The following ARHGAP40 variants were observed in gnomAD, a reference collection of about 807,000 sequenced individuals.
ARHGAP40 encodes the protein rho GTPase-activating protein 40.
In ARHGAP40, 43 loss-of-function variants were observed where a neutral mutation model predicts 73.5. That is an observed-to-expected ratio of 0.58 (90% CI 0.46 to 0.75). ARHGAP40 has a LOEUF of 0.75. Ranked by LOEUF, ARHGAP40 falls within the 30% of genes least tolerant of loss-of-function variation. ARHGAP40 has a pLI of 0.00. For synonymous variants in ARHGAP40, 300 were observed against 352.8 expected, an observed-to-expected ratio of 0.85 and a Z score of 1.68; for missense variants, 734 against 861.8, an observed-to-expected ratio of 0.85 and a Z score of 1.86.
At chr20:38,645,832 C>A (rs73905661) in intron 11 of ARHGAP40, among the ~76,000 whole-genome samples, 19,461 of 152,126 alleles carry the variant, frequency 0.13, 2,973 homozygotes, top group African/African-American at 0.37. Flanking sequence ...GGGCTCCACT[C>A]TCAGGGTCCC....
chr20:38,610,751 C>G (rs1209247947), intron 1 of ARHGAP40, among the ~76,000 whole-genome samples: 3 of 152,164 alleles, frequency 2.0e-5, no homozygotes, highest in Middle Eastern at 3.2e-3. Flanking sequence ...GTCTGTTAAC[C>G]AATATACCAG....
exon 10 of ARHGAP40, chr20:38,641,783 C>T: frequency 7.7e-7 from 1 of 1,295,496 alleles, no homozygotes; most frequent in Non-Finnish European, 1.0e-6. Context: ...CTCATCCTCC[C>T]AGAACCCAAC....
At chr20:38,626,519 C>T (rs2088899408) in intron 2 of ARHGAP40, among the ~76,000 whole-genome samples, 1 of 152,164 alleles carries the variant, frequency 6.6e-6, no homozygotes, top group South Asian at 2.1e-4. Context: ...TGAGAGTTTC[C>T]TTAGGAAGCA....
exon 5 of ARHGAP40, chr20:38,629,612 C>A (rs926806372): frequency 7.7e-7 from 1 of 1,305,378 alleles, no homozygotes; most frequent in Admixed American, 2.3e-5. Context: ...CAGGCCATCC[C>A]GGGGAGGCAC....
rs574268536 is a variant in ARHGAP40, at chr20:38,635,308, G to A, written c.949+523G>A. On this transcript the variant is annotated intron_variant, in intron 6 of 14. Coordinates refer to ENST00000373345, the Ensembl canonical transcript of ARHGAP40. ...AAAGGAAAAAATATAATTCAGAAAAGCACTTTTAGTGTATTATCTTCCTTT... is the reference window on the plus strand; with the variant it reads ...AAAGGAAAAAATATAATTCAGAAAAACACTTTTAGTGTATTATCTTCCTTT... Among the ~76,000 whole-genome samples, 15 of 152,226 alleles carry A rather than the reference G, an allele frequency of 9.9e-5. No homozygotes were observed. The South Asian group carries it at 1.2e-3, about 13-fold the overall frequency.
At chr20:38,643,183 C>T (rs983114763) in intron 10 of ARHGAP40, among the ~76,000 whole-genome samples, 2 of 151,676 alleles carry the variant, frequency 1.3e-5, no homozygotes, top group African/African-American at 2.4e-5. Flanking sequence ...AAAAAACCTA[C>T]CTTATAAAGT....
At chr20:38,623,773 A>G (rs906885623) in intron 2 of ARHGAP40, among the ~76,000 whole-genome samples, 38 of 152,312 alleles carry the variant, frequency 2.5e-4, no homozygotes, top group South Asian at 1.9e-3. Flanking sequence ...AGTAATGTAA[A>G]TTAGATTATG....
intron 6 of ARHGAP40, 58 bp from the exon 7 acceptor site, chr20:38,637,650 G>A (rs1334369958): frequency 9.7e-6 from 12 of 1,239,670 alleles, no homozygotes; most frequent in East Asian, 5.7e-5. Flanking sequence ...CCTGTAGGTC[G>A]GAGCCCAGTG....
chr20:38,605,458 G>A (rs925654554), intron 1 of ARHGAP40, among the ~76,000 whole-genome samples: 3 of 152,178 alleles, frequency 2.0e-5, no homozygotes, highest in African/African-American at 7.2e-5. Context: ...GGGGGACACC[G>A]AATTCACTGT....
chr20:38,605,369 A>G (rs2088765377), intron 1 of ARHGAP40, among the ~76,000 whole-genome samples: 1 of 152,146 alleles, frequency 6.6e-6, no homozygotes, highest in African/African-American at 2.4e-5. Flanking sequence ...CACATAATAC[A>G]CTAAATGCTG....
chr20:38,623,232 C>A, intron 1 of ARHGAP40, 127 bp from the exon 2 acceptor site: 1 of 644,924 alleles, frequency 1.6e-6, no homozygotes, highest in Non-Finnish European at 2.2e-6. Context: ...CCCTGAGAAA[C>A]ATGCCTAGGA....
At chr20:38,611,196 C>T (rs1027915158) in intron 1 of ARHGAP40, among the ~76,000 whole-genome samples, 4 of 151,878 alleles carry the variant, frequency 2.6e-5, no homozygotes. Context: ...ATTGTGATGT[C>T]TATTTTAACA....
In ARHGAP40 at chr20:38,647,030, C is replaced by G; in HGVS notation, c.1784C>G (p.Thr595Ser). The stretch of plus-strand genomic sequence containing the variant: ...TTGAAGGTGCCTCTCACCCCCAGCA[C>G]CAAAGTGGCCCACGTCCTGAGGCAG... The change falls in exon 13 of 15, where the codon ACC (threonine) becomes AGC (serine). Residue 595 changes from threonine to serine, a missense_variant. Transcript: ENST00000373345. The G allele has an allele frequency of 1.5e-6, 2 of 1,305,484 alleles. No homozygotes were observed. Among genetic ancestry groups the G allele is most frequent in the Admixed American group, 2.3e-5 (1 of 43,572 alleles). 80.9% of individuals were successfully genotyped at this position (1,305,484 alleles called of 1,614,324 possible). A position where few individuals can be genotyped will look rare whatever the true frequency, so the allele number is the denominator to read the frequency against.
At chr20:38,605,361 C>T (rs962025143) in intron 1 of ARHGAP40, among the ~76,000 whole-genome samples, 1 of 152,174 alleles carries the variant, frequency 6.6e-6, no homozygotes, top group Non-Finnish European at 1.5e-5. Flanking sequence ...GTCACTACCA[C>T]ATAATACACT....
chr20:38,649,539 G>A (rs1316074375), intron 14 of ARHGAP40, among the ~76,000 whole-genome samples: 4 of 149,548 alleles, frequency 2.7e-5, no homozygotes, highest in Non-Finnish European at 4.5e-5. Context: ...GTCAGTCATC[G>A]ACCGTGGGCT....
chr20:38,623,411 C>G, exon 2 of ARHGAP40: 1 of 1,290,858 alleles, frequency 7.7e-7, no homozygotes, highest in South Asian at 1.2e-5. Flanking sequence ...GAATCTCCTG[C>G]GACTACACCC....
chr20:38,647,610 G>A (rs1041245696), intron 13 of ARHGAP40, among the ~76,000 whole-genome samples: 5 of 152,060 alleles, frequency 3.3e-5, no homozygotes, highest in Admixed American at 3.3e-4. Flanking sequence ...CCAGGCTGGT[G>A]TCAAACTCCT....
At chr20:38,608,582 G>A (rs1030696837) in intron 1 of ARHGAP40, among the ~76,000 whole-genome samples, 1 of 152,154 alleles carries the variant, frequency 6.6e-6, no homozygotes. Context: ...GATTTTATAG[G>A]CCGCACATCA....
At chr20:38,641,593 C>T in intron 9 of ARHGAP40, 133 bp from the exon 10 acceptor site, 1 of 527,020 alleles carries the variant, frequency 1.9e-6, no homozygotes, top group East Asian at 8.6e-5. Flanking sequence ...GAAATAGTCC[C>T]ACACCTTATG....
Sources: allele counts gnomAD v4.1 joint callset (sites outside exome capture counted in the v4.1 genomes callset), GRCh38; gene constraint gnomAD v4.1.1; transcripts MANE v1.5; gene names NCBI Gene and HGNC (gene_info 2026-07-23, HGNC 2026-07-21).